The following GRIA1 variants were observed in gnomAD, a reference collection of about 807,000 sequenced individuals.
GRIA1 encodes the protein glutamate ionotropic receptor AMPA type subunit 1, also known as glutamate receptor 1.
Under a neutral mutation model 99.2 loss-of-function variants are expected in GRIA1, and 31 were observed. The observed-to-expected ratio is 0.31, with a 90% CI of 0.23 to 0.42. The LOEUF (loss-of-function observed/expected upper bound fraction) is 0.42. Among genes scored for constraint, GRIA1 ranks in the 10% least tolerant of loss-of-function variants. GRIA1 has a pLI of 1.00. For synonymous variants in GRIA1, 438 were observed against 432.4 expected (o/e 1.01, Z -0.16); for missense variants, 782 against 1,157.5 (o/e 0.68, Z 4.71).
chr5:153,784,507 C>T (rs569079862), intron 13 of GRIA1, among the ~76,000 whole-genome samples: 3 of 152,158 alleles, frequency 2.0e-5, no homozygotes, highest in Admixed American at 6.5e-5. Context: ...CTCATAAGAT[C>T]GCAGAACTCT....
At chr5:153,732,430 G>A (rs2149560602) in intron 11 of GRIA1, among the ~76,000 whole-genome samples, 1 of 152,208 alleles carries the variant, frequency 6.6e-6, no homozygotes, top group South Asian at 2.1e-4. Flanking sequence ...AGAATTGTAA[G>A]GGGATCTCTC....
At chr5:153,577,526 G>A (rs1762672387) in intron 2 of GRIA1, among the ~76,000 whole-genome samples, 1 of 152,164 alleles carries the variant, frequency 6.6e-6, no homozygotes, top group Admixed American at 6.5e-5. Context: ...TCCTTTAGTT[G>A]AGAAAAATAG....
chr5:153,659,805 T>A (rs749288365), intron 5 of GRIA1, among the ~76,000 whole-genome samples: 1 of 152,180 alleles, frequency 6.6e-6, no homozygotes, highest in Non-Finnish European at 1.5e-5. Context: ...ACTAGAAGAT[T>A]GGGAGAATTT....
chr5:153,745,589 C>CAAAAAAAAAAAAAAAAAAAAAAA (rs58166158), intron 11 of GRIA1, among the ~76,000 whole-genome samples: 1 of 100,908 alleles, frequency 9.9e-6, no homozygotes, highest in Non-Finnish European at 2.0e-5. Flanking sequence ...AACTCTGTCT[C>CAAAAAAAAAAAAAAAAAAAAAAA]AAAAAAAAAA....
At chr5:153,575,412 G>C (rs1171042351) in intron 2 of GRIA1, among the ~76,000 whole-genome samples, 1 of 152,064 alleles carries the variant, frequency 6.6e-6, no homozygotes. Context: ...CCATCTTTAG[G>C]ACCACCAAAG....
intron 3 of GRIA1, among the ~76,000 whole-genome samples, chr5:153,649,619 G>A (rs550052861): frequency 6.6e-6 from 1 of 151,908 alleles, no homozygotes; most frequent in East Asian, 1.9e-4. Context: ...CACCATGCCT[G>A]GCTAATTTTT....
At chr5:153,582,984 G>A (rs1763173914) in intron 2 of GRIA1, among the ~76,000 whole-genome samples, 2 of 152,078 alleles carry the variant, frequency 1.3e-5, no homozygotes, top group Admixed American at 1.3e-4. Context: ...TTTTGGTAGA[G>A]ACGGGGTTTC....
chr5:153,737,874 G>A (rs1428371173), intron 11 of GRIA1, among the ~76,000 whole-genome samples: 1 of 152,058 alleles, frequency 6.6e-6, no homozygotes, highest in Non-Finnish European at 1.5e-5. Context: ...CAGGTACCTC[G>A]CCTCCTCCTT....
chr5:153,773,079 G>A (rs913756428), intron 13 of GRIA1, among the ~76,000 whole-genome samples: 2 of 152,156 alleles, frequency 1.3e-5, no homozygotes, highest in Non-Finnish European at 2.9e-5. Flanking sequence ...GCACTCAAAT[G>A]ACTTTCCACT....
chr5:153,741,217 G>A (rs965544213), intron 11 of GRIA1, among the ~76,000 whole-genome samples: 5 of 151,220 alleles, frequency 3.3e-5, no homozygotes, highest in Non-Finnish European at 5.9e-5. Context: ...CTAGTGATCC[G>A]CCCACCTCGG....
chr5:153,701,580 C>T (rs1257892994), intron 10 of GRIA1, among the ~76,000 whole-genome samples: 3 of 129,568 alleles, frequency 2.3e-5, no homozygotes, highest in Non-Finnish European at 4.7e-5. Flanking sequence ...AAGATGGTGC[C>T]GCTGTACTCC....
chr5:153,770,099 T>A (rs977690206), intron 12 of GRIA1, 69 bp from the exon 13 acceptor site: 2 of 1,515,924 alleles, frequency 1.3e-6, no homozygotes, highest in African/African-American at 2.7e-5. Flanking sequence ...CACTCAGCTC[T>A]TCATTAATGT....
intron 2 of GRIA1, among the ~76,000 whole-genome samples, chr5:153,497,384 T>C (rs766811888): frequency 6.6e-6 from 1 of 152,212 alleles, no homozygotes; most frequent in Non-Finnish European, 1.5e-5. Context: ...AGTAGCATAG[T>C]TGCAGCTTAA....
chr5:153,521,211 T>G lies in GRIA1; in HGVS notation c.220+27146T>G, dbSNP rs184436889. ...CCATGTCCTGAGTGAGCACAATGCT[T>G]AGGCTATGCAGCAGACCCTGGACAG... On this transcript the variant is annotated intron_variant, in intron 2 of 15. Transcript: ENST00000285900. Among the ~76,000 whole-genome samples the G allele has an allele frequency of 3.9e-5, 6 of 152,334 alleles. No homozygotes were observed. In the East Asian group the frequency reaches 7.7e-4, roughly 20 times the overall value.
At chr5:153,562,278 G>C (rs1761197025) in intron 2 of GRIA1, among the ~76,000 whole-genome samples, 1 of 152,150 alleles carries the variant, frequency 6.6e-6, no homozygotes. Context: ...TACCCATTAT[G>C]TCTGGGGTGC....
chr5:153,536,754 A>G (rs1264848967), intron 2 of GRIA1, among the ~76,000 whole-genome samples: 1 of 152,212 alleles, frequency 6.6e-6, no homozygotes, highest in Non-Finnish European at 1.5e-5. Context: ...CACCTCTGCT[A>G]ACCTCTTAAC....
chr5:153,803,468 C>T (rs1030567017), intron 15 of GRIA1, among the ~76,000 whole-genome samples: 1 of 152,186 alleles, frequency 6.6e-6, no homozygotes, highest in African/African-American at 2.4e-5. Flanking sequence ...GCACCTTTCA[C>T]CTTCCACAAA....
intron 2 of GRIA1, among the ~76,000 whole-genome samples, chr5:153,616,397 C>T (rs1766504176): frequency 6.6e-6 from 1 of 152,028 alleles, no homozygotes; most frequent in East Asian, 1.9e-4. Flanking sequence ...AATCTTTTGG[C>T]TTCCCTGAGC....
At chr5:153,750,879 C>T (rs1223026581) in intron 11 of GRIA1, among the ~76,000 whole-genome samples, 3 of 152,100 alleles carry the variant, frequency 2.0e-5, no homozygotes, top group Admixed American at 6.5e-5. Flanking sequence ...AGCCGGATCA[C>T]GAGGTCAGGA....
Sources: gnomAD v4.1 joint callset for allele counts (sites outside exome capture counted in the v4.1 genomes callset) on GRCh38, gnomAD v4.1.1 for gene constraint, MANE v1.5 for transcripts, NCBI Gene and HGNC (gene_info 2026-07-23, HGNC 2026-07-21) for gene names.